Variants in WDR73 observed in about 807,000 individuals in gnomAD.
The protein encoded by WDR73 is integrator complex assembly factor WDR73.
Under a neutral mutation model 38.2 loss-of-function variants are expected in WDR73, and 30 were observed. The ratio of observed to expected loss-of-function variants is 0.79; its 90% CI spans 0.59 to 1.06. The LOEUF (loss-of-function observed/expected upper bound fraction) is 1.06. Ranked by LOEUF, WDR73 falls within the 50% of genes least tolerant of loss-of-function variation. WDR73 has a pLI of 0.00. For missense variants in WDR73, 487 were observed against 467.0 expected (o/e 1.04, Z -0.40); for synonymous variants, 197 against 176.0 (o/e 1.12, Z -0.94).
Position 84,643,233 on chromosome 15 carries a change from T to C in WDR73, c.*237A>G, listed in dbSNP as rs947369039. On this transcript the variant is annotated 3_prime_UTR_variant, in exon 8 of 8. Coordinates refer to ENST00000434634, the MANE Select transcript of WDR73 (RefSeq NM_032856.5). ...CATTTCACACTCCCAGATCTAACAA[T>C]AGCTACCAAGTAATTATGCCATGCG... The C allele has an allele frequency of 6.7e-5, 37 of 549,732 alleles. No individual in the cohort carries two copies. Among genetic ancestry groups the C allele is most frequent in the African/African-American group, 6.4e-4 (34 of 53,056 alleles). The allele number at this position is 549,732 out of a possible 1,614,324, so 34.1% of individuals were successfully genotyped here. A position where few individuals can be genotyped will look rare whatever the true frequency, so the allele number is the denominator to read the frequency against.
At chr15:84,645,399 C>A (rs1316121516) in intron 7 of WDR73, 72 bp downstream of exon 7, 1 of 1,588,588 alleles carries the variant, frequency 6.3e-7, no homozygotes, top group African/African-American at 1.3e-5. Flanking sequence ...GCTGGAGGCT[C>A]CTTCCTGAGC....
chr15:84,654,150 C>T (rs1424439761), intron 1 of WDR73, 84 bp downstream of exon 1: 3 of 1,577,114 alleles, frequency 1.9e-6, no homozygotes, highest in African/African-American at 1.3e-5. Context: ...GCACCAGGAT[C>T]CCCAACGTGC....
At position 84,647,705 on chromosome 15, in the gene WDR73, C is replaced by A. The variant is rs1315622874; in HGVS notation, c.352+185G>T. 24 of 626,934 alleles carry A rather than the reference C, an allele frequency of 3.8e-5. No homozygotes were observed. The East Asian group carries it at 6.7e-4, about 17-fold the overall frequency. The allele number at this position is 626,934 out of a possible 1,614,324, so 38.8% of individuals were successfully genotyped here. ...TAGAGACAGGTTTCACCATGTTGTA[C>A]AAGGTGGTCTTCAACTCCTGAATTC... On this transcript the variant is annotated intron_variant, in intron 5 of 7. Transcript: ENST00000434634.
At position 84,645,563 on chromosome 15, in the gene WDR73, G is replaced by A. The variant is rs766432869; in HGVS notation, c.791C>T (p.Ser264Leu). 12 of 1,611,718 alleles carry A rather than the reference G, an allele frequency of 7.4e-6. 1 individual carries two copies. The South Asian group carries it at 1.3e-4, about 18-fold the overall frequency. Residue 264 changes from serine to leucine, a missense_variant, in exon 7 of 8, where the codon TCA becomes TTA. Physicochemically the swap from Ser to Leu is moderately radical, Grantham distance 145 (BLOSUM62 -2). Transcript: ENST00000434634. ...AGGTACGGATACTGGGCACTGGACT[G>A]AGCTCACAGGATGGCAGAGATCCCG... Reference protein sequence around the residue: ...DPRDLCHPVSSVQCPVSVPSP... With the variant: ...DPRDLCHPVSLVQCPVSVPSP...
chr15:84,646,180 G>T lies in WDR73; in HGVS notation c.517+4C>A. On this transcript the variant is annotated splice_donor_region_variant and intron_variant, in intron 6 of 7. Transcript: ENST00000434634. Reference sequence around the variant, plus strand: ...AGCAAGCAAGGGACAAAGTACCACGGTACCTGAGGTGTACGTGGTCTTCCG... The same window carrying T: ...AGCAAGCAAGGGACAAAGTACCACGTTACCTGAGGTGTACGTGGTCTTCCG... 2 of 1,613,510 alleles carry T rather than the reference G, an allele frequency of 1.2e-6. No individual in the cohort carries two copies. Among genetic ancestry groups the T allele is most frequent in the Non-Finnish European group, 1.7e-6 (2 of 1,179,856 alleles).
intron 7 of WDR73, 160 bp downstream of exon 7, chr15:84,645,311 G>A (rs376883148): frequency 2.0e-6 from 3 of 1,514,260 alleles, no homozygotes; most frequent in African/African-American, 1.4e-5. Context: ...GGTAGGAAAA[G>A]GCCTGCCACT....
At position 84,652,702 on chromosome 15, in the gene WDR73, A is replaced by G; in HGVS notation, c.198+12T>C. The G allele has an allele frequency of 7.0e-7, 1 of 1,429,730 alleles. No individual in the cohort carries two copies. The highest frequency in any genetic ancestry group is 9.4e-7 in the Non-Finnish European group (1 of 1,060,206). The allele number at this position is 1,429,730 out of a possible 1,614,324, so 88.6% of individuals were successfully genotyped here. On this transcript the variant is annotated intron_variant, in intron 3 of 7. Coordinates refer to ENST00000434634, the MANE Select transcript of WDR73 (RefSeq NM_032856.5). ...AAAAGTTGACATACTCAGCATTTATATTTTAAGTTACCTTGTTTTCCTTTA... is the reference window on the plus strand; with the variant it reads ...AAAAGTTGACATACTCAGCATTTATGTTTTAAGTTACCTTGTTTTCCTTTA...
Position 84,643,466 on chromosome 15 carries a change from G to T in WDR73, c.*4C>A, listed in dbSNP as rs1372447617. 4 of 1,552,162 alleles carry T rather than the reference G, an allele frequency of 2.6e-6. No individual in the cohort carries two copies. Among genetic ancestry groups the T allele is most frequent in the Non-Finnish European group, 3.5e-6 (4 of 1,147,726 alleles). ...CTAGAGGCCTAGATGGAAAGATGCT[G>T]GTGTCAGCGGGGGGCACAAAGGTCC... On this transcript the variant is annotated 3_prime_UTR_variant, in exon 8 of 8. Transcript: ENST00000434634.
intron 2 of WDR73, chr15:84,653,102 A>G: frequency 3.6e-6 from 1 of 274,200 alleles, no homozygotes; most frequent in Non-Finnish European, 6.9e-6. Context: ...TATTTTTTGT[A>G]GAGACAGGGT....
chr15:84,647,492 T>G, intron 5 of WDR73: 1 of 189,562 alleles, frequency 5.3e-6, no homozygotes, highest in East Asian at 1.3e-4. Flanking sequence ...TGGCTCTGAG[T>G]CTACTACTAC....
Position 84,643,414 on chromosome 15 carries a change from T to A in WDR73, c.*56A>T. The A allele has an allele frequency of 6.5e-7, 1 of 1,534,352 alleles. No homozygotes were observed. The highest frequency in any genetic ancestry group is 8.8e-7 in the Non-Finnish European group (1 of 1,138,140). ...TCACTTGAGTCCTACATGAGCACCC[T>A]TGCTACTACAGCAGCTCCTCCCCTT... is the stretch of plus-strand genomic sequence containing the variant. On this transcript the variant is annotated 3_prime_UTR_variant, in exon 8 of 8. Transcript: ENST00000434634.
intron 3 of WDR73, among the ~76,000 whole-genome samples, chr15:84,649,658 C>T (rs28705297): frequency 0.015 from 2,210 of 152,046 alleles, 46 homozygotes; most frequent in African/African-American, 0.046. Flanking sequence ...TTAGTAGAGA[C>T]AGGGTTTTGC....
chr15:84,643,569 G>A lies in WDR73; in HGVS notation c.1038C>T (p.Thr346=), dbSNP rs200294905. The A allele has an allele frequency of 7.3e-5, 118 of 1,611,782 alleles. 1 individual carries two copies. In the East Asian group the frequency reaches 2.0e-3, roughly 27 times the overall value. ...NGMDPAPLVT[T]HTWHPCRPRT... is the part of the protein sequence containing the mutation. ...TTGGTCTGCAGGGATGCCAGGTGTG[G>A]GTGGTGACCAAAGGAGCAGGGTCCA... The change falls in exon 8 of 8, where the codon ACC becomes ACT. Residue 346 remains threonine (T), a synonymous_variant. Transcript: ENST00000434634.
intron 3 of WDR73, among the ~76,000 whole-genome samples, chr15:84,649,317 C>A (rs1309359887): frequency 6.6e-6 from 1 of 152,098 alleles, no homozygotes. Flanking sequence ...TGGTGGTGAG[C>A]GGGGAGGTTA....
chr15:84,649,591 T>A (rs1381284236), intron 3 of WDR73, among the ~76,000 whole-genome samples: 2 of 151,928 alleles, frequency 1.3e-5, no homozygotes, highest in Non-Finnish European at 2.9e-5. Flanking sequence ...TGCCTCAGCC[T>A]CCTGAGTAGC....
chr15:84,652,574 C>T (rs1437618027), intron 3 of WDR73, 140 bp downstream of exon 3: 2 of 511,994 alleles, frequency 3.9e-6, no homozygotes, highest in Admixed American at 3.9e-5. Context: ...ATGTGCCTCC[C>T]TCTGTTAGAC....
In WDR73 at chr15:84,645,518, A is replaced by G. The variant is rs1422499009; in HGVS notation, c.836T>C (p.Leu279Pro). ...CAGGCCTGGGGCCCAAGTCACTCGCAGCAGCTCTGGGTCAGGGCTAGGTAC... is the reference window on the plus strand; with the variant it reads ...CAGGCCTGGGGCCCAAGTCACTCGCGGCAGCTCTGGGTCAGGGCTAGGTAC... ...VSVPSPDPELLRVTWAPGLKN... is the reference protein window; with the variant it reads ...VSVPSPDPELPRVTWAPGLKN... Residue 279 changes from leucine (L) to proline (P), a missense_variant, in exon 7 of 8, where the codon CTG becomes CCG. By Grantham distance (98) the Leu-to-Pro change is moderately conservative. Coordinates refer to ENST00000434634, the MANE Select transcript of WDR73 (RefSeq NM_032856.5). 6.2e-7 allele frequency: 1 copy of G among 1,612,504 alleles called. No individual in the cohort carries two copies. Among genetic ancestry groups the G allele is most frequent in the East Asian group, 2.2e-5 (1 of 44,850 alleles).
intron 3 of WDR73, among the ~76,000 whole-genome samples, chr15:84,652,494 A>G (rs760812199): frequency 2.6e-5 from 4 of 152,214 alleles, no homozygotes; most frequent in Non-Finnish European, 4.4e-5. Context: ...CTGATAAAGT[A>G]TAACTGACCT....
chr15:84,646,005 C>T, intron 6 of WDR73, 169 bp from the exon 7 acceptor site: 5 of 1,542,024 alleles, frequency 3.2e-6, no homozygotes, highest in Non-Finnish European at 4.4e-6. Flanking sequence ...GTGCTGGTCC[C>T]TGGGACTGCC....
Sources: gnomAD v4.1 joint callset for allele counts (sites outside exome capture counted in the v4.1 genomes callset) on GRCh38, gnomAD v4.1.1 for gene constraint, MANE v1.5 for transcripts, NCBI Gene and HGNC (gene_info 2026-07-23, HGNC 2026-07-21) for gene names.